NDUFS6: variants seen among roughly 807,000 people sequenced by gnomAD.
The protein encoded by NDUFS6 is NADH dehydrogenase [ubiquinone] iron-sulfur protein 6, mitochondrial.
NDUFS6 carries 14 observed loss-of-function variants against 13.2 expected under a neutral mutation model. The ratio of observed to expected loss-of-function variants is 1.06; its 90% CI spans 0.70 to 1.66. NDUFS6 has a LOEUF of 1.66. Among genes scored for constraint, NDUFS6 ranks in the 40% most tolerant of loss-of-function variants. NDUFS6 has a pLI of 0.00. For synonymous variants in NDUFS6, 95 were observed against 72.3 expected, an observed-to-expected ratio of 1.31 and a Z score of -1.60; for missense variants, 206 against 170.8, an observed-to-expected ratio of 1.21 and a Z score of -1.15.
chr5:1,814,589 C>CA lies in NDUFS6; in HGVS notation c.309+129dup, dbSNP rs1241308597. 1 of 1,374,290 alleles carries CA rather than the reference C, an allele frequency of 7.3e-7. No individual in the cohort carries two copies. The highest frequency in any genetic ancestry group is 1.9e-5 in the Admixed American group (1 of 51,438). 85.1% of individuals were successfully genotyped at this position (1,374,290 alleles called of 1,614,324 possible). A position where few individuals can be genotyped will look rare whatever the true frequency, so the allele number is the denominator to read the frequency against. On this transcript the variant is annotated intron_variant, in intron 3 of 3. Coordinates refer to ENST00000274137, the MANE Select transcript of NDUFS6 (RefSeq NM_004553.6). This position sits in a 1 kb window ranked among gnomAD's most constrained non-coding sequence, Gnocchi z 4.9. ...CCCGAGGCGGCCCTTACGGGGTTCA[C>CA]ACTGCTGGCACATTCACCCTACAGC...
chr5:1,804,091 C>T (rs1427115369), intron 2 of NDUFS6, among the ~76,000 whole-genome samples: 3 of 152,316 alleles, frequency 2.0e-5, no homozygotes, highest in African/African-American at 7.2e-5. Context: ...GTGGTTGTTA[C>T]TGAGGTAGTG....
At chr5:1,807,197 T>TGAGGTACTCAGAGGTACCGC (rs1561104790) in intron 2 of NDUFS6, among the ~76,000 whole-genome samples, 1 of 17,558 alleles carries the variant, frequency 5.7e-5, no homozygotes, top group African/African-American at 1.5e-4. Flanking sequence ...AGAGGTACTG[T>TGAGGTACTCAGAGGTACCGC]GTGAACACTG....
intron 2 of NDUFS6, among the ~76,000 whole-genome samples, chr5:1,811,434 A>G (rs1034816221): frequency 2.2e-4 from 34 of 152,364 alleles, no homozygotes; most frequent in African/African-American, 8.2e-4. Context: ...ACTTTCTTTA[A>G]GTTAAATATC....
At chr5:1,809,030 C>T (rs1734170324) in intron 2 of NDUFS6, among the ~76,000 whole-genome samples, 1 of 152,198 alleles carries the variant, frequency 6.6e-6, no homozygotes, top group Admixed American at 6.5e-5. Context: ...CACAGAATCA[C>T]ATATTTTATG....
At chr5:1,805,474 C>T (rs981940500) in intron 2 of NDUFS6, among the ~76,000 whole-genome samples, 2 of 152,218 alleles carry the variant, frequency 1.3e-5, no homozygotes, top group Non-Finnish European at 2.9e-5. Context: ...ACCGGGGGTA[C>T]CTTCAAAGGA....
chr5:1,809,873 C>T (rs1311027126), intron 2 of NDUFS6, among the ~76,000 whole-genome samples: 1 of 152,242 alleles, frequency 6.6e-6, no homozygotes, highest in African/African-American at 2.4e-5. Flanking sequence ...GTTGCTGGAG[C>T]GTGTGGAACA....
chr5:1,815,376 T>C (rs989565628), intron 3 of NDUFS6, among the ~76,000 whole-genome samples: 4 of 152,252 alleles, frequency 2.6e-5, no homozygotes, highest in African/African-American at 4.8e-5. Context: ...TAAGGGACTT[T>C]AACTTCGTTA....
chr5:1,815,905 C>T lies in NDUFS6; in HGVS notation c.364C>T (p.His122Tyr), dbSNP rs1331536981. Residue 122 changes from histidine to tyrosine, a missense_variant, in exon 4 of 4, where the codon CAC becomes TAC. His to Tyr is a moderately conservative substitution (Grantham distance 83). Transcript: ENST00000274137. ...TTACTGTGGGCTCCAGTTCAGACAGCACCACCACTAGAGCGTGTGGCACGC... is the reference window on the plus strand; with the variant it reads ...TTACTGTGGGCTCCAGTTCAGACAGTACCACCACTAGAGCGTGTGGCACGC... ...CGYCGLQFRQ[H>Y]HH 2 of 1,614,124 alleles carry T rather than the reference C, an allele frequency of 1.2e-6. No individual in the cohort carries two copies. The highest frequency in any genetic ancestry group is 2.7e-5 in the African/African-American group (2 of 74,944).
chr5:1,803,252 A>G (rs766996162), intron 2 of NDUFS6, among the ~76,000 whole-genome samples: 1 of 152,240 alleles, frequency 6.6e-6, no homozygotes, highest in Non-Finnish European at 1.5e-5. Context: ...ATAAATTCAC[A>G]TTCTCAAAAT....
At chr5:1,801,610 A>G in intron 1 of NDUFS6, 61 bp downstream of exon 1, 1 of 1,522,016 alleles carries the variant, frequency 6.6e-7, no homozygotes, top group Non-Finnish European at 8.8e-7. Flanking sequence ...GACTGGTGGC[A>G]GTGGGCTCGC....
intron 2 of NDUFS6, among the ~76,000 whole-genome samples, chr5:1,807,482 G>A (rs1734145231): frequency 1.3e-5 from 2 of 152,188 alleles, no homozygotes; most frequent in Admixed American, 1.3e-4. Context: ...GTGGCTTCAG[G>A]CCCACGCAGG....
intron 2 of NDUFS6, among the ~76,000 whole-genome samples, chr5:1,807,154 G>GTGAGGTACTCAGAGGTACTGCA (rs1734138678): frequency 2.6e-5 from 4 of 151,436 alleles, no homozygotes; most frequent in Non-Finnish European, 4.4e-5. Flanking sequence ...GAGGTACTGC[G>GTGAGGTACTCAGAGGTACTGCA]TGAGGTACTC....
At chr5:1,804,305 C>T (rs1007638255) in intron 2 of NDUFS6, among the ~76,000 whole-genome samples, 1 of 152,252 alleles carries the variant, frequency 6.6e-6, no homozygotes, top group African/African-American at 2.4e-5. Flanking sequence ...CGCCTCTCTG[C>T]TGAACATTCT....
chr5:1,801,996 A>C (rs1222557262), intron 1 of NDUFS6, among the ~76,000 whole-genome samples: 1 of 152,224 alleles, frequency 6.6e-6, no homozygotes, highest in Non-Finnish European at 1.5e-5. Context: ...AGTAGATTTA[A>C]TGGGGGGATA....
chr5:1,801,898 C>T (rs773091480), intron 1 of NDUFS6, among the ~76,000 whole-genome samples: 43 of 152,340 alleles, frequency 2.8e-4, no homozygotes, highest in African/African-American at 9.4e-4. Flanking sequence ...ATTTTAGTAA[C>T]CTGAGAAGTC....
intron 2 of NDUFS6, among the ~76,000 whole-genome samples, chr5:1,804,511 C>T (rs560056736): frequency 6.6e-6 from 1 of 152,356 alleles, no homozygotes; most frequent in African/African-American, 2.4e-5. Flanking sequence ...CCAGTGCCTT[C>T]CCCCATTCAG....
chr5:1,802,308 T>C lies in NDUFS6; in HGVS notation c.133-13T>C. On this transcript the variant is annotated splice_polypyrimidine_tract_variant and intron_variant, in intron 1 of 3. Transcript: ENST00000274137. ...CCGTAAAAGTCACACATGGTCTTTT[T>C]GTTTTTTTCCAGGTTTATGATGATA... 6.2e-7 allele frequency: 1 copy of C among 1,613,458 alleles called. No individual in the cohort carries two copies. The highest frequency in any genetic ancestry group is 1.3e-5 in the African/African-American group (1 of 75,044).
At chr5:1,811,906 A>G (rs147563518) in intron 2 of NDUFS6, among the ~76,000 whole-genome samples, 39 of 152,324 alleles carry the variant, frequency 2.6e-4, no homozygotes, top group African/African-American at 9.1e-4. Flanking sequence ...GATATTATCC[A>G]TCTTATTAGG....
At chr5:1,808,538 CTTTG>C (rs879500107) in intron 2 of NDUFS6, among the ~76,000 whole-genome samples, 4 of 152,190 alleles carry the variant, frequency 2.6e-5, no homozygotes, top group Admixed American at 6.5e-5. Context: ...ATGCTGGTGG[CTTTG>C]TTTGTGAGCT....
Sources: gnomAD v4.1 joint callset for allele counts (sites outside exome capture counted in the v4.1 genomes callset) on GRCh38, gnomAD v4.1.1 for gene constraint, Gnocchi (gnomAD v3.1) non-coding constraint, MANE v1.5 for transcripts, NCBI Gene and HGNC (gene_info 2026-07-23, HGNC 2026-07-21) for gene names.